The following STRN3 variants were observed in gnomAD, a reference collection of about 807,000 sequenced individuals.
The protein encoded by STRN3 is striatin 3.
In STRN3, 29 loss-of-function variants were observed where a neutral mutation model predicts 95.6. That is an observed-to-expected ratio of 0.30 (90% CI 0.23 to 0.41). STRN3 has a LOEUF of 0.41. Among genes scored for constraint, STRN3 ranks in the 10% least tolerant of loss-of-function variants. The probability of loss-of-function intolerance (pLI) is 1.00; values close to 1 mark genes in which losing one functional copy is unlikely to be tolerated. For missense variants in STRN3, 890 were observed against 972.1 expected, an observed-to-expected ratio of 0.92 and a Z score of 1.12; for synonymous variants, 331 against 357.6, an observed-to-expected ratio of 0.93 and a Z score of 0.84.
rs1374593800 is a variant in STRN3 at position 30,921,065 on chromosome 14, T to TACACACACAC, written c.1100-1960_1100-1959insGTGTGTGTGT. Reference sequence around the variant, plus strand: ...GAAAGGTGAGAAGGCTTTCTACACATACATATACACACACACACACACACA... The same window carrying TACACACACAC: ...GAAAGGTGAGAAGGCTTTCTACACATACACACACACACATATACACACACACACACACACA... On this transcript the variant is annotated intron_variant, in intron 8 of 17. Transcript: ENST00000357479. Among the ~76,000 whole-genome samples the TACACACACAC allele has an allele frequency of 3.5e-3, 312 of 89,210 alleles. 1 individual carries two copies. The highest frequency in any genetic ancestry group is 0.016 in the Middle Eastern group (3 of 182). 58.5% of individuals were successfully genotyped at this position (89,210 alleles called of 152,430 possible). A position where few individuals can be genotyped will look rare whatever the true frequency, so the allele number is the denominator to read the frequency against.
intron 1 of STRN3, among the ~76,000 whole-genome samples, chr14:31,010,556 A>C (rs575669421): frequency 6.6e-6 from 1 of 152,192 alleles, no homozygotes; most frequent in East Asian, 1.9e-4. Context: ...AAAAAATCAC[A>C]AAGTATTTAA....
At chr14:30,975,836 T>TAAAA (rs528570710) in intron 1 of STRN3, among the ~76,000 whole-genome samples, 8 of 113,116 alleles carry the variant, frequency 7.1e-5, no homozygotes, top group East Asian at 2.8e-4. Flanking sequence ...CCTGGCTCTT[T>TAAAA]AAAAAAAAAA....
At chr14:31,013,866 A>T (rs179723) in intron 1 of STRN3, among the ~76,000 whole-genome samples, 5,022 of 17,978 alleles carry the variant, frequency 0.28, 155 homozygotes, top group Middle Eastern at 0.47. Context: ...AAGCAATTTT[A>T]TTATTATTAT....
intron 16 of STRN3, among the ~76,000 whole-genome samples, chr14:30,895,996 G>A (rs1896137213): frequency 1.3e-5 from 2 of 152,060 alleles, no homozygotes; most frequent in African/African-American, 4.8e-5. Flanking sequence ...CACTGGAAAA[G>A]GAAACCCCAT....
chr14:30,913,924 ATC>A (rs2138996358), intron 9 of STRN3, among the ~76,000 whole-genome samples: 1 of 149,954 alleles, frequency 6.7e-6, no homozygotes, highest in Non-Finnish European at 1.5e-5. Context: ...GTCTGTCTAA[ATC>A]TCTTATCACT....
In STRN3 at chr14:31,026,225, G is replaced by T; in HGVS notation, c.-40C>A. 1 of 1,379,512 alleles carries T rather than the reference G, an allele frequency of 7.2e-7. No individual in the cohort carries two copies. Among genetic ancestry groups the T allele is most frequent in the South Asian group, 1.6e-5 (1 of 60,634 alleles). 85.5% of individuals were successfully genotyped at this position (1,379,512 alleles called of 1,614,324 possible). On this transcript the variant is annotated 5_prime_UTR_variant, in exon 1 of 18. Transcript: ENST00000357479. ...CGGCCGGGGCGCAGGGCGAGACGCC[G>T]ACAGCTGGGGGAAGGGCCGGAGAGG...
intron 7 of STRN3, among the ~76,000 whole-genome samples, chr14:30,933,015 C>T (rs987411722): frequency 6.6e-6 from 1 of 151,902 alleles, no homozygotes; most frequent in African/African-American, 2.4e-5. Context: ...TGGCTCATGC[C>T]TGTAATCCCA....
At chr14:30,927,172 G>C (rs917537808) in intron 8 of STRN3, among the ~76,000 whole-genome samples, 2 of 152,120 alleles carry the variant, frequency 1.3e-5, no homozygotes, top group African/African-American at 4.8e-5. Context: ...TATTAGCCAG[G>C]TGTGGTGGCA....
At chr14:31,009,569 T>A (rs2139315549) in intron 1 of STRN3, among the ~76,000 whole-genome samples, 1 of 151,002 alleles carries the variant, frequency 6.6e-6, no homozygotes, top group East Asian at 1.9e-4. Flanking sequence ...CAGTGGTTGT[T>A]CCTGGAAAAT....
intron 1 of STRN3, among the ~76,000 whole-genome samples, chr14:30,990,464 G>A (rs535274758): frequency 1.4e-4 from 22 of 152,106 alleles, no homozygotes; most frequent in African/African-American, 4.6e-4. Context: ...CACCGCGCCC[G>A]GCCAAAGGGC....
intron 13 of STRN3, 79 bp from the exon 14 acceptor site, chr14:30,907,123 T>C (rs1277292065): frequency 1.3e-6 from 2 of 1,494,120 alleles, no homozygotes; most frequent in East Asian, 2.3e-5. Flanking sequence ...AAACTTACCA[T>C]ATAACTGAGC....
chr14:30,975,395 T>C (rs1490835113), intron 1 of STRN3, among the ~76,000 whole-genome samples: 2 of 150,760 alleles, frequency 1.3e-5, no homozygotes, highest in Non-Finnish European at 3.0e-5. Context: ...CTTTGGGGAC[T>C]TGAGAGAAAA....
At chr14:31,003,443 A>G (rs1461860598) in intron 1 of STRN3, among the ~76,000 whole-genome samples, 2 of 151,882 alleles carry the variant, frequency 1.3e-5, no homozygotes, top group African/African-American at 2.4e-5. Context: ...TTGATTTCCA[A>G]TGCTGGAGGT....
intron 1 of STRN3, among the ~76,000 whole-genome samples, chr14:30,956,786 A>G (rs895282793): frequency 6.6e-6 from 1 of 152,230 alleles, no homozygotes; most frequent in Non-Finnish European, 1.5e-5. Flanking sequence ...ACATGTCCAC[A>G]AGTAGATAAA....
At chr14:31,017,800 C>T (rs575332830) in intron 1 of STRN3, among the ~76,000 whole-genome samples, 2 of 151,778 alleles carry the variant, frequency 1.3e-5, no homozygotes, top group South Asian at 2.1e-4. Flanking sequence ...ATTTAGGCTG[C>T]GCACGGTGGC....
At chr14:30,930,013 ATTTT>A (rs1026918510) in intron 7 of STRN3, among the ~76,000 whole-genome samples, 1 of 141,706 alleles carries the variant, frequency 7.1e-6, no homozygotes, top group Admixed American at 7.1e-5. Context: ...TTTAGAATTG[ATTTT>A]TTTTCAGGAT....
chr14:31,008,186 G>A (rs561452206), intron 1 of STRN3, among the ~76,000 whole-genome samples: 192 of 133,624 alleles, frequency 1.4e-3, no homozygotes, highest in African/African-American at 4.3e-3. Flanking sequence ...GTGAGACTCC[G>A]TCTCAAAAAA....
chr14:30,905,268 AAT>A (rs1225947596), intron 15 of STRN3, 148 bp downstream of exon 15: 2 of 859,338 alleles, frequency 2.3e-6, no homozygotes, highest in African/African-American at 3.6e-5. Context: ...AAGCAGACAT[AAT>A]ATAAATAAGT....
intron 7 of STRN3, chr14:30,931,895 T>C (rs1878555035): frequency 6.6e-6 from 1 of 152,232 alleles, no homozygotes; most frequent in Non-Finnish European, 1.5e-5. Context: ...CCAGATTCTC[T>C]AATGTGAGTA....
Sources: gnomAD v4.1 joint callset for allele counts (sites outside exome capture counted in the v4.1 genomes callset) on GRCh38, gnomAD v4.1.1 for gene constraint, MANE v1.5 for transcripts, NCBI Gene and HGNC (gene_info 2026-07-23, HGNC 2026-07-21) for gene names.